Variants in ESYT1 observed in about 807,000 individuals in gnomAD.
ESYT1 encodes extended synaptotagmin-1.
ESYT1 carries 116 observed loss-of-function variants against 154.2 expected under a neutral mutation model. That is an observed-to-expected ratio of 0.75 (90% CI 0.65 to 0.88). The LOEUF (loss-of-function observed/expected upper bound fraction) is 0.88, where lower values mean the gene tolerates loss of function less well. ESYT1 is among the 40% of genes least tolerant of loss of function. ESYT1 has a pLI of 0.00. For missense variants in ESYT1, 1,264 were observed against 1,379.3 expected (o/e 0.92, Z 1.32); for synonymous variants, 500 against 539.9 (o/e 0.93, Z 1.02).
intron 24 of ESYT1, 97 bp downstream of exon 24, chr12:56,139,110 CT>C (rs368424488): frequency 0.16 from 95,546 of 610,898 alleles, 1 homozygote; most frequent in South Asian, 0.21. Flanking sequence ...AAAAGGTTGA[CT>C]TTTTTTTTTT....
In ESYT1 at chr12:56,132,810, CT is replaced by C; in HGVS notation, c.1244+10del. 1 of 1,613,198 alleles carries C rather than the reference CT, an allele frequency of 6.2e-7. No homozygotes were observed. Among genetic ancestry groups the C allele is most frequent in the Non-Finnish European group, 8.5e-7 (1 of 1,179,420 alleles). On this transcript the variant is annotated intron_variant, in intron 10 of 30. Transcript: ENST00000394048. ...GATGACTTTCTGGGCAGGTGAGACTCTGCCTGTTAGGATTCTAAAGCCCATG... is the reference window on the plus strand; with the variant it reads ...GATGACTTTCTGGGCAGGTGAGACTCGCCTGTTAGGATTCTAAAGCCCATG...
rs746178567 is a variant in ESYT1, at chr12:56,131,851, T to C, written c.860+47T>C. 2.5e-6 allele frequency: 4 copies of C among 1,598,668 alleles called. No individual in the cohort carries two copies. In the Admixed American group the frequency reaches 6.7e-5, roughly 27 times the overall value. On this transcript the variant is annotated intron_variant, in intron 7 of 30. Transcript: ENST00000394048. ...CCTGCTGAGTGTTCCAGCGCTGGGT[T>C]GGGGGTTTAAGGGACACAGAGCAGT...
At chr12:56,135,700 T>C (rs2136876459) in intron 15 of ESYT1, among the ~76,000 whole-genome samples, 1 of 151,478 alleles carries the variant, frequency 6.6e-6, no homozygotes, top group South Asian at 2.1e-4. Flanking sequence ...GAGAATAGCC[T>C]GGTCAGCATG....
At position 56,142,134 on chromosome 12, in the gene ESYT1, A is replaced by C; in HGVS notation, c.2593-151A>C. ...AAAGGAAGGAAGGACAGAGGGAGGG[A>C]CTAGCAACTGTTACCATGGCTTCCC... On this transcript the variant is annotated intron_variant, in intron 24 of 30. Transcript: ENST00000394048. This position sits in a 1 kb window ranked among gnomAD's most constrained non-coding sequence, Gnocchi z 4.1. 2.5e-6 allele frequency: 2 copies of C among 785,488 alleles called. No homozygotes were observed. Among genetic ancestry groups the C allele is most frequent in the Non-Finnish European group, 4.1e-6 (2 of 491,534 alleles). The allele number at this position is 785,488 out of a possible 1,614,324, so 48.7% of individuals were successfully genotyped here.
chr12:56,131,120 C>T lies in ESYT1; in HGVS notation c.641+7C>T, dbSNP rs2136869311. On this transcript the variant is annotated splice_region_variant and intron_variant, in intron 4 of 30. Coordinates refer to ENST00000394048, the MANE Select transcript of ESYT1 (RefSeq NM_015292.3). ...TGCTGGACTTGAACATCAGGTAATA[C>T]CACTCACCACTCTTACTGCTTCCCC... The T allele has an allele frequency of 6.2e-7, 1 of 1,614,030 alleles. No homozygotes were observed. Among genetic ancestry groups the T allele is most frequent in the East Asian group, 2.2e-5 (1 of 44,882 alleles).
At position 56,131,130 on chromosome 12, in the gene ESYT1, C is replaced by T; in HGVS notation, c.641+17C>T. The T allele has an allele frequency of 6.2e-7, 1 of 1,613,990 alleles. No individual in the cohort carries two copies. Among genetic ancestry groups the T allele is most frequent in the African/African-American group, 1.3e-5 (1 of 75,044 alleles). ...GAACATCAGGTAATACCACTCACCA[C>T]TCTTACTGCTTCCCCTTCAATGTGT... is the stretch of plus-strand genomic sequence containing the variant. On this transcript the variant is annotated intron_variant, in intron 4 of 30. Transcript: ENST00000394048.
rs139487802 is a variant in ESYT1, at chr12:56,133,445, C to T, written c.1273C>T (p.Gln425Ter). 4 of 1,614,238 alleles carry T rather than the reference C, an allele frequency of 2.5e-6. No homozygotes were observed. Among genetic ancestry groups the T allele is most frequent in the South Asian group, 1.1e-5 (1 of 91,088 alleles). ...GAAGCTGGATGTAGGGAAGGTGTTA[C>T]AGGCTAGCGTTCTGGATGATGTAAG... ...RMKLDVGKVL[Q>*]ASVLDDWFPL... The change falls in exon 11 of 31, where the codon CAG becomes TAG. Residue 425 changes from glutamine to a stop codon, truncating the protein, a stop_gained. Coordinates refer to ENST00000394048, the MANE Select transcript of ESYT1 (RefSeq NM_015292.3). LOFTEE classifies it high-confidence loss of function.
intron 1 of ESYT1, 111 bp downstream of exon 1, chr12:56,128,820 C>T (rs1870112034): frequency 7.5e-7 from 1 of 1,338,802 alleles, no homozygotes; most frequent in South Asian, 1.3e-5. Flanking sequence ...GACAGTGGGC[C>T]CCAGACTTTC....
chr12:56,138,746 T>A, intron 22 of ESYT1, 22 bp from the exon 23 acceptor site: 8 of 1,610,618 alleles, frequency 5.0e-6, no homozygotes, highest in Non-Finnish European at 5.1e-6. Context: ...AATTTAAGAC[T>A]AACACAGTAT....
At position 56,131,578 on chromosome 12, in the gene ESYT1, C is replaced by A. The variant is rs755659747; in HGVS notation, c.804+12C>A. ...TCATCCGACGCCCGGTAAGGGAAAACAATGAAGGGGTATGGGGAAGCAGGA... is the reference window on the plus strand; with the variant it reads ...TCATCCGACGCCCGGTAAGGGAAAAAAATGAAGGGGTATGGGGAAGCAGGA... On this transcript the variant is annotated intron_variant, in intron 6 of 30. Coordinates refer to ENST00000394048, the MANE Select transcript of ESYT1 (RefSeq NM_015292.3). 6.2e-7 allele frequency: 1 copy of A among 1,613,664 alleles called. No homozygotes were observed. The highest frequency in any genetic ancestry group is 8.5e-7 in the Non-Finnish European group (1 of 1,179,860).
intron 24 of ESYT1, among the ~76,000 whole-genome samples, chr12:56,141,798 G>A (rs777831056): frequency 1.1e-4 from 17 of 151,890 alleles, no homozygotes; most frequent in Non-Finnish European, 2.2e-4. Context: ...ACTCTACTCT[G>A]GTTAAGAAAG....
intron 29 of ESYT1, 65 bp from the exon 30 acceptor site, chr12:56,143,515 A>G: frequency 6.3e-7 from 1 of 1,597,086 alleles, no homozygotes. Context: ...CAGCATCATC[A>G]GAATGAGATC....
Position 56,144,234 on chromosome 12 carries a change from T to G in ESYT1, c.*372T>G. 1 of 1,107,670 alleles carries G rather than the reference T, an allele frequency of 9.0e-7. No homozygotes were observed. The highest frequency in any genetic ancestry group is 2.9e-5 in the South Asian group (1 of 34,902). The allele number at this position is 1,107,670 out of a possible 1,614,324, so 68.6% of individuals were successfully genotyped here. A position where few individuals can be genotyped will look rare whatever the true frequency, so the allele number is the denominator to read the frequency against. On this transcript the variant is annotated 3_prime_UTR_variant, in exon 31 of 31. Transcript: ENST00000394048. ...ACAGCTTTGGAAGGATCTTTTTTTC[T>G]TTAACTAGATGGTCACCTTCTTCCC...
At position 56,143,125 on chromosome 12, in the gene ESYT1, C is replaced by A; in HGVS notation, c.3096C>A (p.Thr1032=). Residue 1032 remains threonine (T), a synonymous_variant, in exon 28 of 31, where the codon ACC becomes ACA. Transcript: ENST00000394048. ...GGAGGACCTCACAGAAGAAGAGGACCCTGAGTCCTGAATTTAATGAACGGT... is the reference window on the plus strand; with the variant it reads ...GGAGGACCTCACAGAAGAAGAGGACACTGAGTCCTGAATTTAATGAACGGT... ...TKRRTSQKKR[T]LSPEFNERFE... is the part of the protein sequence containing the mutation. 6.2e-7 allele frequency: 1 copy of A among 1,614,080 alleles called. No individual in the cohort carries two copies. Among genetic ancestry groups the A allele is most frequent in the Non-Finnish European group, 8.5e-7 (1 of 1,180,020 alleles).
Position 56,142,650 on chromosome 12 carries a change from GA to G in ESYT1, c.2808del (p.Glu937AsnfsTer22). ...CAGCCACAGCTCCTCATCGCTGAGT[GA>G]AGAACCAGAGCTCTCGGGGGGACCC... is the stretch of plus-strand genomic sequence containing the variant. The part of the protein sequence containing the change: ...SYSHSSSSLS[E>X]EPELSGGPPH... On this transcript the variant is annotated frameshift_variant, in exon 26 of 31. Coordinates refer to ENST00000394048, the MANE Select transcript of ESYT1 (RefSeq NM_015292.3). LOFTEE classifies it high-confidence loss of function. This position sits in a 1 kb window ranked among gnomAD's most constrained non-coding sequence, Gnocchi z 4.1. 1 of 1,614,132 alleles carries G rather than the reference GA, an allele frequency of 6.2e-7. No homozygotes were observed. Among genetic ancestry groups the G allele is most frequent in the Non-Finnish European group, 8.5e-7 (1 of 1,180,044 alleles).
intron 1 of ESYT1, chr12:56,130,286 C>A (rs1293711282): frequency 6.1e-6 from 3 of 492,826 alleles, no homozygotes; most frequent in East Asian, 6.7e-5. Flanking sequence ...AGAAAGAATG[C>A]GCCCTTCTCC....
intron 13 of ESYT1, 64 bp downstream of exon 13, chr12:56,133,937 A>T (rs1015525415): frequency 6.4e-7 from 1 of 1,570,656 alleles, no homozygotes; most frequent in Non-Finnish European, 8.8e-7. Context: ...CTTGCTGAGG[A>T]TGCAAATGTC....
At chr12:56,141,529 A>G (rs1451157081) in intron 24 of ESYT1, among the ~76,000 whole-genome samples, 2 of 152,144 alleles carry the variant, frequency 1.3e-5, no homozygotes, top group African/African-American at 2.4e-5. Context: ...TCACAAGGTC[A>G]GGAGATCGAG....
chr12:56,132,072 G>A, intron 7 of ESYT1, 137 bp from the exon 8 acceptor site: 1 of 1,364,636 alleles, frequency 7.3e-7, no homozygotes, highest in East Asian at 2.3e-5. Flanking sequence ...AATTAGGGTA[G>A]AAGAGTAGCA....
Sources: allele counts gnomAD v4.1 joint callset (sites outside exome capture counted in the v4.1 genomes callset), GRCh38; gene constraint gnomAD v4.1.1; non-coding constraint Gnocchi (gnomAD v3.1); transcripts MANE v1.5; gene names NCBI Gene and HGNC (gene_info 2026-07-23, HGNC 2026-07-21).